COL4A1: variants seen among roughly 807,000 people sequenced by gnomAD.
COL4A1 encodes collagen type IV alpha 1 chain.
In COL4A1, 40 loss-of-function variants were observed where a neutral mutation model predicts 216.6. The observed-to-expected ratio is 0.18, with a 90% confidence interval of 0.14 to 0.24. The LOEUF (loss-of-function observed/expected upper bound fraction) is 0.24. COL4A1 is among the 10% of genes least tolerant of loss of function. The pLI, the probability that COL4A1 is intolerant of heterozygous loss-of-function variation, is 1.00. For missense variants in COL4A1, 1,628 were observed against 2,196.8 expected (o/e 0.74, Z 5.18); for synonymous variants, 839 against 810.7 (o/e 1.03, Z -0.59).
intron 1 of COL4A1, among the ~76,000 whole-genome samples, chr13:110,282,690 C>A (rs1883681750): frequency 1.3e-5 from 2 of 152,200 alleles, no homozygotes; most frequent in Non-Finnish European, 2.9e-5. Context: ...AGGGTCTGTA[C>A]CCTGAAGTAT....
intron 10 of COL4A1, 143 bp downstream of exon 10, chr13:110,209,837 T>A: frequency 9.7e-7 from 1 of 1,033,354 alleles, no homozygotes; most frequent in Admixed American, 1.7e-5. Context: ...AAACGTTTAG[T>A]AAGAGGGAAG....
At chr13:110,188,043 G>A (rs1000368928) in intron 24 of COL4A1, among the ~76,000 whole-genome samples, 8 of 152,186 alleles carry the variant, frequency 5.3e-5, no homozygotes, top group African/African-American at 1.9e-4. Context: ...CTAGAACGTT[G>A]CTCAGTTCCT....
In COL4A1 at chr13:110,186,367, G is replaced by A. The variant is rs749550347; in HGVS notation, c.1897+18C>T. Reference sequence around the variant, plus strand: ...CGTTTACAACTTCATGCTGCATCACGAGTTTCTCAGGCCTCACCTGGCAGG... The same window carrying A: ...CGTTTACAACTTCATGCTGCATCACAAGTTTCTCAGGCCTCACCTGGCAGG... On this transcript the variant is annotated intron_variant, in intron 26 of 51. Transcript: ENST00000375820. 43 of 1,612,306 alleles carry A rather than the reference G, an allele frequency of 2.7e-5. No individual in the cohort carries two copies. Among genetic ancestry groups the A allele is most frequent in the Admixed American group, 2.7e-4 (16 of 60,012 alleles).
At chr13:110,252,131 C>G (rs1459500779) in intron 1 of COL4A1, among the ~76,000 whole-genome samples, 1 of 152,084 alleles carries the variant, frequency 6.6e-6, no homozygotes, top group East Asian at 1.9e-4. Context: ...TCAGGCAATT[C>G]TCCTGTCTCA....
chr13:110,294,203 A>G (rs764657912), intron 1 of COL4A1, among the ~76,000 whole-genome samples: 49 of 152,224 alleles, frequency 3.2e-4, no homozygotes, highest in Non-Finnish European at 6.5e-4. Flanking sequence ...CTGTGGAACT[A>G]GAGGTCTGAG....
chr13:110,167,363 G>A lies in COL4A1; in HGVS notation c.3877-133C>T, dbSNP rs1877393220. On this transcript the variant is annotated intron_variant, in intron 43 of 51. Transcript: ENST00000375820. ...CACATTTGTGAACAAATGGTGCCTT[G>A]TGGTTTCTTAAATGACAGAATAACA... 6.5e-6 allele frequency: 5 copies of A among 768,826 alleles called. 1 individual carries two copies. The South Asian group carries it at 6.9e-5, about 11-fold the overall frequency. The allele number at this position is 768,826 out of a possible 1,614,324, so 47.6% of individuals were successfully genotyped here. A position where few individuals can be genotyped will look rare whatever the true frequency, so the allele number is the denominator to read the frequency against.
chr13:110,246,888 T>C (rs1293808902), intron 1 of COL4A1, among the ~76,000 whole-genome samples: 1 of 151,940 alleles, frequency 6.6e-6, no homozygotes, highest in African/African-American at 2.4e-5. Context: ...TTAACCCGAG[T>C]GGTCATGAGG....
At chr13:110,296,217 T>A (rs1015849313) in intron 1 of COL4A1, among the ~76,000 whole-genome samples, 1 of 152,218 alleles carries the variant, frequency 6.6e-6, no homozygotes, top group African/African-American at 2.4e-5. Context: ...GCAACGTGCC[T>A]TGTTTCAATT....
chr13:110,203,731 CT>C, intron 17 of COL4A1, 124 bp from the exon 18 acceptor site: 1 of 1,030,014 alleles, frequency 9.7e-7, no homozygotes, highest in Non-Finnish European at 1.5e-6. Flanking sequence ...CTATTTTTCT[CT>C]CTTTAATATC....
At chr13:110,162,825 G>T (rs1021664093) in intron 47 of COL4A1, among the ~76,000 whole-genome samples, 12 of 152,196 alleles carry the variant, frequency 7.9e-5, no homozygotes, top group Admixed American at 7.2e-4. Context: ...GGCTCCTGTT[G>T]GGGAGGACTA....
chr13:110,164,537 T>A lies in COL4A1; in HGVS notation c.4150+325A>T, dbSNP rs116889830. The stretch of plus-strand genomic sequence containing the variant: ...ACCGATTTTTACCATTCCAGATTGC[T>A]ACATGCCACCCCCATCTGGAGCGGG... On this transcript the variant is annotated intron_variant, in intron 46 of 51. Coordinates refer to ENST00000375820, the MANE Select transcript of COL4A1 (RefSeq NM_001845.6). 3.0e-3 allele frequency among the ~76,000 whole-genome samples: 451 copies of A among 152,282 alleles called. 17 individuals carry two copies. In the East Asian group the frequency reaches 0.076, roughly 26 times the overall value.
intron 31 of COL4A1, 61 bp downstream of exon 31, chr13:110,178,862 C>A (rs1878010715): frequency 7.7e-7 from 1 of 1,296,166 alleles, no homozygotes; most frequent in Admixed American, 1.9e-5. Context: ...CCGGCCTCAT[C>A]CCCCATGCTT....
intron 1 of COL4A1, among the ~76,000 whole-genome samples, chr13:110,295,961 G>A: frequency 6.6e-6 from 1 of 152,208 alleles, no homozygotes; most frequent in East Asian, 1.9e-4. Context: ...TCTCCACTGT[G>A]CTCAAGCCAA....
At chr13:110,152,973 T>C (rs1244511028) in intron 50 of COL4A1, among the ~76,000 whole-genome samples, 1 of 152,006 alleles carries the variant, frequency 6.6e-6, no homozygotes, top group Non-Finnish European at 1.5e-5. Context: ...AATCATTCAA[T>C]TTTTTTTCTT....
intron 44 of COL4A1, 149 bp downstream of exon 44, chr13:110,167,009 A>G (rs1414802573): frequency 6.6e-6 from 5 of 763,344 alleles, no homozygotes; most frequent in Admixed American, 1.8e-5. Flanking sequence ...GGGCTGCCAC[A>G]CAGAAATGCC....
intron 45 of COL4A1, 82 bp from the exon 46 acceptor site, chr13:110,165,072 G>A (rs1354409912): frequency 1.8e-5 from 28 of 1,553,788 alleles, no homozygotes; most frequent in Non-Finnish European, 1.4e-5. Flanking sequence ...AATCCCGGGT[G>A]AAGCTATCCA....
intron 24 of COL4A1, among the ~76,000 whole-genome samples, chr13:110,190,539 G>T (rs756727013): frequency 2.0e-5 from 3 of 152,114 alleles, no homozygotes; most frequent in Non-Finnish European, 4.4e-5. Context: ...TCTTTCAAAA[G>T]GAAATGTCAC....
At position 110,291,736 on chromosome 13, in the gene COL4A1, G is replaced by A. The variant is rs192958360; in HGVS notation, c.84+15208C>T. Among the ~76,000 whole-genome samples the A allele has an allele frequency of 2.2e-3, 337 of 152,260 alleles. 3 individuals carry two copies. Among genetic ancestry groups the A allele is most frequent in the South Asian group, 0.014 (66 of 4,814 alleles). ...TTCTTTAGTGGGTTATTTACTTCTT[G>A]TCTCCCTCTTCAAGAGCTCTGAGCT... On this transcript the variant is annotated intron_variant, in intron 1 of 51. Transcript: ENST00000375820.
At chr13:110,210,362 T>C in intron 8 of COL4A1, 150 bp from the exon 9 acceptor site, 1 of 764,782 alleles carries the variant, frequency 1.3e-6, no homozygotes, top group Non-Finnish European at 2.2e-6. Context: ...ATCAATAGCC[T>C]GGCCATCTCT....
Sources: allele counts gnomAD v4.1 joint callset (sites outside exome capture counted in the v4.1 genomes callset), GRCh38; gene constraint gnomAD v4.1.1; transcripts MANE v1.5; gene names NCBI Gene and HGNC (gene_info 2026-07-23, HGNC 2026-07-21).